The following COG5 variants were observed in gnomAD, a reference collection of about 807,000 sequenced individuals.
COG5 encodes component of oligomeric golgi complex 5.
COG5 carries 86 observed loss-of-function variants against 110.4 expected under a neutral mutation model. That is an observed-to-expected ratio of 0.78 (90% CI 0.65 to 0.93). The LOEUF (loss-of-function observed/expected upper bound fraction) is 0.93. Among genes scored for constraint, COG5 ranks in the 40% least tolerant of loss-of-function variants. The pLI is 0.00. For missense variants in COG5, 1,077 were observed against 987.0 expected (o/e 1.09, Z -1.22); for synonymous variants, 360 against 334.6 (o/e 1.08, Z -0.83).
At chr7:107,348,259 T>C (rs1811814971) in intron 10 of COG5, among the ~76,000 whole-genome samples, 2 of 151,960 alleles carry the variant, frequency 1.3e-5, no homozygotes, top group East Asian at 2.0e-4. Flanking sequence ...TTCCTGAGCA[T>C]AACTGGACTG....
intron 5 of COG5, among the ~76,000 whole-genome samples, chr7:107,541,513 AAAAAAAAAAAATATAT>A (rs1801998290): frequency 2.0e-5 from 2 of 98,116 alleles, no homozygotes; most frequent in Non-Finnish European, 2.3e-5. Flanking sequence ...AAAAAAAAAA[AAAAAAAAAAAATATAT>A]ATATATATAT....
At chr7:107,534,159 G>A (rs1801410400) in intron 5 of COG5, among the ~76,000 whole-genome samples, 1 of 151,396 alleles carries the variant, frequency 6.6e-6, no homozygotes, top group Non-Finnish European at 1.5e-5. Flanking sequence ...AAGAGCTCCT[G>A]AAGGAAGCAC....
chr7:107,231,978 T>G (rs899147509), intron 18 of COG5, among the ~76,000 whole-genome samples: 2 of 152,234 alleles, frequency 1.3e-5, no homozygotes, highest in Non-Finnish European at 2.9e-5. Flanking sequence ...ATAAGTGCTA[T>G]GTCAAACTTA....
At chr7:107,276,746 A>G (rs955256396) in intron 14 of COG5, among the ~76,000 whole-genome samples, 1 of 152,188 alleles carries the variant, frequency 6.6e-6, no homozygotes, top group African/African-American at 2.4e-5. Flanking sequence ...AATCCCCAAT[A>G]TATCACCATT....
In COG5 at chr7:107,395,588, CTT is replaced by C. The variant is rs1324603849; in HGVS notation, c.669+16912_669+16913del. ...TTTTTTTTTGAGAAGGAATTTTACT[CTT>C]GTTGCCCAGGCTGGAGTACAGTGGC... On this transcript the variant is annotated intron_variant, in intron 7 of 21. Transcript: ENST00000297135. Among the ~76,000 whole-genome samples the C allele has an allele frequency of 1.2e-4, 6 of 51,070 alleles. 1 individual carries two copies. The East Asian group carries it at 3.3e-3, about 28-fold the overall frequency. 33.5% of individuals were successfully genotyped at this position (51,070 alleles called of 152,430 possible).
At chr7:107,249,766 G>A (rs1802355235) in intron 16 of COG5, among the ~76,000 whole-genome samples, 2 of 150,230 alleles carry the variant, frequency 1.3e-5, no homozygotes, top group Admixed American at 6.7e-5. Flanking sequence ...CTCCATACAG[G>A]AGCTCAGAGT....
At chr7:107,410,052 A>G (rs566184362) in intron 7 of COG5, among the ~76,000 whole-genome samples, 12 of 152,346 alleles carry the variant, frequency 7.9e-5, no homozygotes, top group Admixed American at 3.9e-4. Context: ...AAGAGCAATG[A>G]AAAGACTAGG....
At chr7:107,515,396 T>C (rs74365901) in intron 6 of COG5, among the ~76,000 whole-genome samples, 2 of 151,908 alleles carry the variant, frequency 1.3e-5, no homozygotes, top group East Asian at 3.9e-4. Context: ...TTTATCACGG[T>C]AACCTATACA....
intron 10 of COG5, among the ~76,000 whole-genome samples, chr7:107,349,323 T>C (rs910025565): frequency 3.3e-5 from 5 of 152,180 alleles, no homozygotes; most frequent in Admixed American, 2.0e-4. Context: ...GCTAGAACAA[T>C]GTTAAACAGA....
chr7:107,412,600 T>G lies in COG5; in HGVS notation c.571A>C (p.Ile191Leu). 6.4e-7 allele frequency: 1 copy of G among 1,572,484 alleles called. No individual in the cohort carries two copies. Among genetic ancestry groups the G allele is most frequent in the Non-Finnish European group, 8.7e-7 (1 of 1,143,210 alleles). The change falls in exon 7 of 22, where the codon ATA becomes CTA. Residue 191 changes from isoleucine to leucine, a missense_variant. Physicochemically the swap from Ile to Leu is conservative, Grantham distance 5. Coordinates refer to ENST00000297135, the MANE Select transcript of COG5 (RefSeq NM_006348.5). ...AGTAGATCATTTTCTATCACTTCTA[T>G]TCCAGAAAGATCTATTCCTTGAGAA... ...YLSQGIDLSG[I>L]EVIENDLLFI...
At chr7:107,385,058 C>G (rs1232930460) in intron 7 of COG5, among the ~76,000 whole-genome samples, 1 of 152,162 alleles carries the variant, frequency 6.6e-6, no homozygotes, top group Non-Finnish European at 1.5e-5. Flanking sequence ...GAGATAAAGT[C>G]ATACTGAATT....
chr7:107,559,169 T>C (rs1364797779), intron 1 of COG5, among the ~76,000 whole-genome samples: 3 of 151,994 alleles, frequency 2.0e-5, no homozygotes, highest in South Asian at 2.1e-4. Flanking sequence ...GGGTGAAATA[T>C]GTTAATGGAA....
chr7:107,433,477 C>A (rs1288753057), intron 6 of COG5, among the ~76,000 whole-genome samples: 1 of 152,178 alleles, frequency 6.6e-6, no homozygotes, highest in African/African-American at 2.4e-5. Context: ...GGCATAAAGA[C>A]AGACATACAG....
intron 6 of COG5, among the ~76,000 whole-genome samples, chr7:107,429,711 G>A (rs1471059494): frequency 6.6e-6 from 1 of 152,162 alleles, no homozygotes; most frequent in East Asian, 1.9e-4. Flanking sequence ...CAATTATGGG[G>A]ACGGGTCTTT....
chr7:107,494,624 C>T (rs1430260388), intron 6 of COG5, among the ~76,000 whole-genome samples: 1 of 152,188 alleles, frequency 6.6e-6, no homozygotes, highest in Non-Finnish European at 1.5e-5. Context: ...TGTGTAAATA[C>T]ACTCTATGAT....
At chr7:107,407,631 TTTC>T (rs1791952243) in intron 7 of COG5, among the ~76,000 whole-genome samples, 1 of 151,440 alleles carries the variant, frequency 6.6e-6, no homozygotes, top group Admixed American at 6.6e-5. Flanking sequence ...TTTTTTTTTT[TTTC>T]AAAGGTGCTA....
At chr7:107,300,285 A>G (rs1807151979) in intron 11 of COG5, among the ~76,000 whole-genome samples, 1 of 152,136 alleles carries the variant, frequency 6.6e-6, no homozygotes, top group Non-Finnish European at 1.5e-5. Context: ...CAACAATGTT[A>G]GTTTTCCCCA....
chr7:107,284,308 T>C (rs903676284), intron 12 of COG5, among the ~76,000 whole-genome samples: 1 of 152,190 alleles, frequency 6.6e-6, no homozygotes, highest in Non-Finnish European at 1.5e-5. Flanking sequence ...ATCTGTTTCC[T>C]TAAACTAAAA....
At chr7:107,314,702 T>C (rs1013782242) in intron 11 of COG5, among the ~76,000 whole-genome samples, 15 of 151,578 alleles carry the variant, frequency 9.9e-5, no homozygotes, top group African/African-American at 3.4e-4. Flanking sequence ...TGAGCCAAGA[T>C]CGTGCCACTG....
Sources: gnomAD v4.1 joint callset for allele counts (sites outside exome capture counted in the v4.1 genomes callset) on GRCh38, gnomAD v4.1.1 for gene constraint, MANE v1.5 for transcripts, NCBI Gene and HGNC (gene_info 2026-07-23, HGNC 2026-07-21) for gene names.